PRKCE: variants seen among roughly 807,000 people sequenced by gnomAD.
PRKCE encodes the protein protein kinase C epsilon type.
Under a neutral mutation model 85.4 loss-of-function variants are expected in PRKCE, and 16 were observed. The observed-to-expected ratio is 0.19, with a 90% CI of 0.13 to 0.28. The LOEUF is 0.28. Among genes scored for constraint, PRKCE ranks in the 10% least tolerant of loss-of-function variants. The pLI, the probability that PRKCE is intolerant of heterozygous loss-of-function variation, is 1.00. For synonymous variants in PRKCE, 388 were observed against 371.5 expected, an observed-to-expected ratio of 1.04 and a Z score of -0.51; for missense variants, 573 against 975.2, an observed-to-expected ratio of 0.59 and a Z score of 5.49.
At chr2:45,891,488 G>A (rs932605445) in intron 2 of PRKCE, among the ~76,000 whole-genome samples, 1 of 152,166 alleles carries the variant, frequency 6.6e-6, no homozygotes, top group Admixed American at 6.5e-5. Context: ...CCTTCTCTGG[G>A]ACTGAATCCT....
chr2:46,128,573 C>T (rs186309033), intron 11 of PRKCE, among the ~76,000 whole-genome samples: 6 of 152,198 alleles, frequency 3.9e-5, no homozygotes, highest in African/African-American at 1.4e-4. Context: ...ACGTCACGTT[C>T]TCCTGCTCAA....
chr2:45,987,785 C>T (rs1703458035), intron 6 of PRKCE, among the ~76,000 whole-genome samples: 1 of 152,184 alleles, frequency 6.6e-6, no homozygotes. Flanking sequence ...AGCTGGATGG[C>T]CCTGGAAAAT....
chr2:46,015,857 C>T (rs1374671778), intron 10 of PRKCE, among the ~76,000 whole-genome samples: 2 of 152,270 alleles, frequency 1.3e-5, no homozygotes, highest in African/African-American at 2.4e-5. Context: ...ACTACTACTC[C>T]GAAGGAGTTG....
At chr2:45,995,057 T>C (rs770122127) in intron 6 of PRKCE, among the ~76,000 whole-genome samples, 3 of 152,184 alleles carry the variant, frequency 2.0e-5, no homozygotes, top group Non-Finnish European at 2.9e-5. Context: ...GAGCATCTTC[T>C]CCTATGCTTA....
At chr2:46,010,095 C>T (rs1186373847) in intron 9 of PRKCE, among the ~76,000 whole-genome samples, 1 of 152,194 alleles carries the variant, frequency 6.6e-6, no homozygotes, top group Non-Finnish European at 1.5e-5. Flanking sequence ...TTTTCTTAAA[C>T]ATTATGTATA....
intron 10 of PRKCE, among the ~76,000 whole-genome samples, chr2:46,042,742 A>G (rs1708285785): frequency 6.6e-6 from 1 of 152,130 alleles, no homozygotes; most frequent in African/African-American, 2.4e-5. Flanking sequence ...GTGGGTGCAC[A>G]CTCTCAAAAG....
intron 11 of PRKCE, among the ~76,000 whole-genome samples, chr2:46,122,003 A>G (rs1673357966): frequency 6.6e-6 from 1 of 151,990 alleles, no homozygotes; most frequent in Admixed American, 6.5e-5. Context: ...ATTGAGATAT[A>G]ATAGGCCTAC....
intron 2 of PRKCE, among the ~76,000 whole-genome samples, chr2:45,958,214 GAA>G (rs1701108486): frequency 1.0e-5 from 1 of 97,772 alleles, no homozygotes; most frequent in African/African-American, 3.9e-5. Flanking sequence ...AAAAAAAAAA[GAA>G]AAAGAAAATT....
At chr2:46,074,168 A>G (rs1391944025) in intron 10 of PRKCE, among the ~76,000 whole-genome samples, 1 of 152,216 alleles carries the variant, frequency 6.6e-6, no homozygotes, top group Non-Finnish European at 1.5e-5. Flanking sequence ...AACAGTCACA[A>G]GAACTTTGCA....
Position 45,842,992 on chromosome 2 carries a change from A to T in PRKCE, c.349-8A>T, listed in dbSNP as rs763903569. The T allele has an allele frequency of 2.5e-6, 4 of 1,613,764 alleles. No homozygotes were observed. The highest frequency in any genetic ancestry group is 3.4e-6 in the Non-Finnish European group (4 of 1,179,720). Reference sequence around the variant, plus strand: ...CTAACAGAGTCACTGTCATTTTCTTAATTGCAGATTGATCTGGAGCCAGAA... The same window carrying T: ...CTAACAGAGTCACTGTCATTTTCTTTATTGCAGATTGATCTGGAGCCAGAA... On this transcript the variant is annotated splice_polypyrimidine_tract_variant and splice_region_variant and intron_variant, in intron 1 of 14. Transcript: ENST00000306156.
intron 11 of PRKCE, among the ~76,000 whole-genome samples, chr2:46,101,661 A>T (rs1671238452): frequency 6.6e-6 from 1 of 152,200 alleles, no homozygotes. Flanking sequence ...CTGAAAGATG[A>T]TCCTAGTATT....
intron 2 of PRKCE, among the ~76,000 whole-genome samples, chr2:45,903,602 ATT>A (rs1283248468): frequency 6.6e-6 from 1 of 152,156 alleles, no homozygotes; most frequent in East Asian, 1.9e-4. Flanking sequence ...ATAAAGAATT[ATT>A]TTTTCTGGAA....
intron 2 of PRKCE, among the ~76,000 whole-genome samples, chr2:45,867,595 A>T (rs569358500): frequency 3.3e-5 from 5 of 152,278 alleles, no homozygotes; most frequent in African/African-American, 1.2e-4. Context: ...ATTCAGATTT[A>T]TTTTTAAAAT....
chr2:45,961,696 C>CT (rs11324643), intron 2 of PRKCE, among the ~76,000 whole-genome samples: 31 of 148,614 alleles, frequency 2.1e-4, no homozygotes, highest in Non-Finnish European at 2.8e-4. Flanking sequence ...TGCCAGGATT[C>CT]TTTTTTTTTT....
intron 14 of PRKCE, among the ~76,000 whole-genome samples, chr2:46,162,966 C>G (rs1299316271): frequency 6.6e-6 from 1 of 152,162 alleles, no homozygotes; most frequent in Non-Finnish European, 1.5e-5. Flanking sequence ...ATAAATAAAG[C>G]CCAAGGATTA....
chr2:45,763,886 T>A (rs1231838151), intron 1 of PRKCE, among the ~76,000 whole-genome samples: 1 of 152,224 alleles, frequency 6.6e-6, no homozygotes, highest in Non-Finnish European at 1.5e-5. Context: ...GGTGTTTGTT[T>A]TGGTGGACTC....
intron 1 of PRKCE, among the ~76,000 whole-genome samples, chr2:45,691,640 G>A (rs980931203): frequency 3.3e-5 from 5 of 152,070 alleles, no homozygotes; most frequent in African/African-American, 1.2e-4. Flanking sequence ...ACTCCACTTC[G>A]TGTGTGAAGA....
intron 1 of PRKCE, among the ~76,000 whole-genome samples, chr2:45,761,185 A>G (rs549562185): frequency 2.4e-4 from 37 of 151,860 alleles, no homozygotes; most frequent in East Asian, 2.1e-3. Flanking sequence ...AAATTAGCCG[A>G]GTGTGGTGGT....
intron 2 of PRKCE, among the ~76,000 whole-genome samples, chr2:45,897,179 G>GA (rs1390223282): frequency 6.6e-6 from 1 of 152,156 alleles, no homozygotes; most frequent in Non-Finnish European, 1.5e-5. Context: ...AAATTATCTA[G>GA]AAAACTTCAC....
Sources: allele counts gnomAD v4.1 joint callset (sites outside exome capture counted in the v4.1 genomes callset), GRCh38; gene constraint gnomAD v4.1.1; transcripts MANE v1.5; gene names NCBI Gene and HGNC (gene_info 2026-07-23, HGNC 2026-07-21).